RIT2: variants seen among roughly 807,000 people sequenced by gnomAD.
The protein encoded by RIT2 is GTP-binding protein Rit2.
In RIT2, 24 loss-of-function variants were observed where a neutral mutation model predicts 23.7. That is an observed-to-expected ratio of 1.01 (90% CI 0.73 to 1.43). The LOEUF (loss-of-function observed/expected upper bound fraction) is 1.43. Ranked by LOEUF, RIT2 falls within the 40% of genes most tolerant of loss-of-function variation. RIT2 has a pLI of 0.00. For missense variants in RIT2, 236 were observed against 266.9 expected (o/e 0.88, Z 0.81); for synonymous variants, 107 against 91.1 (o/e 1.17, Z -0.99).
At chr18:42,849,132 G>C (rs1169347478) in intron 4 of RIT2, among the ~76,000 whole-genome samples, 2 of 152,160 alleles carry the variant, frequency 1.3e-5, no homozygotes, top group Non-Finnish European at 2.9e-5. Context: ...CAGGACATCA[G>C]TGTAGAGCTG....
intron 1 of RIT2, among the ~76,000 whole-genome samples, chr18:43,098,725 G>A (rs1199944986): frequency 7.2e-5 from 11 of 151,916 alleles, no homozygotes; most frequent in Admixed American, 2.0e-4. Context: ...TAATTCATTG[G>A]AAGGCCACTG....
chr18:42,994,694 C>T (rs886347226), intron 2 of RIT2, among the ~76,000 whole-genome samples: 5 of 152,136 alleles, frequency 3.3e-5, no homozygotes, highest in Non-Finnish European at 4.4e-5. Context: ...TTTGTCCAAA[C>T]AACTTGACCT....
At chr18:43,002,024 C>T (rs1388435074) in intron 2 of RIT2, among the ~76,000 whole-genome samples, 1 of 151,778 alleles carries the variant, frequency 6.6e-6, no homozygotes, top group African/African-American at 2.4e-5. Flanking sequence ...TCACACAAGC[C>T]CAAGGTGAAG....
At chr18:42,923,290 A>C in intron 4 of RIT2, 1 of 281,358 alleles carries the variant, frequency 3.6e-6, no homozygotes, top group Non-Finnish European at 6.6e-6. Context: ...TTAAGGCTAC[A>C]CTTCAGAAGT....
chr18:42,787,328 T>A (rs1008485391), intron 4 of RIT2, among the ~76,000 whole-genome samples: 2 of 151,924 alleles, frequency 1.3e-5, no homozygotes, highest in Non-Finnish European at 2.9e-5. Flanking sequence ...TTTATGTAAA[T>A]GGCGAGTTAA....
chr18:43,007,376 T>G (rs1419197520), intron 2 of RIT2, among the ~76,000 whole-genome samples: 2 of 151,726 alleles, frequency 1.3e-5, no homozygotes, highest in Non-Finnish European at 3.0e-5. Flanking sequence ...AGCCATCACA[T>G]TTTCCAGCTC....
intron 4 of RIT2, among the ~76,000 whole-genome samples, chr18:42,909,926 G>A (rs984206709): frequency 3.3e-5 from 5 of 152,038 alleles, no homozygotes; most frequent in African/African-American, 7.2e-5. Flanking sequence ...AGCAAAAGAC[G>A]AACACCATCT....
At chr18:42,840,363 T>C (rs548122773) in intron 4 of RIT2, among the ~76,000 whole-genome samples, 301 of 152,332 alleles carry the variant, frequency 2.0e-3, no homozygotes, top group African/African-American at 6.7e-3. Context: ...CATTTGCTAT[T>C]TCTGGCAACA....
intron 2 of RIT2, among the ~76,000 whole-genome samples, chr18:43,003,462 A>T (rs1462093389): frequency 6.6e-6 from 1 of 151,954 alleles, no homozygotes; most frequent in Admixed American, 6.6e-5. Context: ...TTATCCCTTC[A>T]GAAGAAAGCC....
At chr18:43,079,359 A>T (rs867625211) in intron 1 of RIT2, among the ~76,000 whole-genome samples, 12 of 152,254 alleles carry the variant, frequency 7.9e-5, no homozygotes, top group African/African-American at 2.7e-4. Flanking sequence ...TCAGAAAAAA[A>T]TATACTGGAT....
chr18:43,005,649 CCTCA>C (rs1339067129), intron 2 of RIT2, among the ~76,000 whole-genome samples: 1 of 151,606 alleles, frequency 6.6e-6, no homozygotes, highest in Non-Finnish European at 1.5e-5. Flanking sequence ...TTTGTCTCTC[CCTCA>C]ATTTCCTCAT....
intron 1 of RIT2, among the ~76,000 whole-genome samples, chr18:43,035,264 A>G (rs1911948228): frequency 6.6e-6 from 1 of 152,230 alleles, no homozygotes; most frequent in African/African-American, 2.4e-5. Context: ...AAGTCTCTAC[A>G]TATAAGTATT....
chr18:43,011,567 A>G (rs28613688), intron 2 of RIT2, among the ~76,000 whole-genome samples: 14,379 of 151,880 alleles, frequency 0.095, 782 homozygotes, highest in Non-Finnish European at 0.11. Context: ...TCTTAAAATT[A>G]TTAAAAGAGT....
chr18:42,917,635 C>T (rs1908946571), intron 4 of RIT2, among the ~76,000 whole-genome samples: 1 of 152,148 alleles, frequency 6.6e-6, no homozygotes, highest in Non-Finnish European at 1.5e-5. Context: ...TACCACAATT[C>T]TGCTCAAATG....
intron 4 of RIT2, among the ~76,000 whole-genome samples, chr18:42,890,695 G>A (rs769308208): frequency 2.6e-5 from 4 of 151,886 alleles, no homozygotes; most frequent in African/African-American, 9.7e-5. Flanking sequence ...AATGGCCAAG[G>A]ACATTAATGT....
chr18:42,743,761 A>T, intron 4 of RIT2, 41 bp from the exon 5 acceptor site: 1 of 1,421,688 alleles, frequency 7.0e-7, no homozygotes, highest in African/African-American at 1.4e-5. Context: ...CAGAAAGAGA[A>T]AGACTCTTCA....
chr18:43,060,823 G>T (rs1396253977), intron 1 of RIT2, among the ~76,000 whole-genome samples: 1 of 152,024 alleles, frequency 6.6e-6, no homozygotes, highest in Non-Finnish European at 1.5e-5. Flanking sequence ...CCCTTATTTG[G>T]CTCTGTTGCA....
intron 4 of RIT2, among the ~76,000 whole-genome samples, chr18:42,883,157 T>G (rs781119100): frequency 2.6e-5 from 4 of 152,100 alleles, no homozygotes; most frequent in Non-Finnish European, 5.9e-5. Flanking sequence ...CGTGTGTGTG[T>G]GTGTCTGATT....
chr18:43,101,356 A>G (rs547482714), intron 1 of RIT2, among the ~76,000 whole-genome samples: 12 of 152,208 alleles, frequency 7.9e-5, no homozygotes, highest in African/African-American at 2.9e-4. Context: ...AGTCTTTTTA[A>G]ATTTTTGTCA....
Sources: allele counts gnomAD v4.1 joint callset (sites outside exome capture counted in the v4.1 genomes callset), GRCh38; gene constraint gnomAD v4.1.1; transcripts MANE v1.5; gene names NCBI Gene and HGNC (gene_info 2026-07-23, HGNC 2026-07-21).